The following TOX variants were observed in gnomAD, a reference collection of about 807,000 sequenced individuals.
TOX encodes the protein thymocyte selection associated high mobility group box, also known as thymocyte selection-associated high mobility group box protein TOX.
In TOX, 11 loss-of-function variants were observed where a neutral mutation model predicts 53.7. That is an observed-to-expected ratio of 0.20 (90% CI 0.13 to 0.34). TOX has a LOEUF of 0.34. TOX is among the 10% of genes least tolerant of loss of function. The pLI, the probability that TOX is intolerant of heterozygous loss-of-function variation, is 1.00. For synonymous variants in TOX, 225 were observed against 245.3 expected (o/e 0.92, Z 0.77); for missense variants, 570 against 664.6 (o/e 0.86, Z 1.56).
At chr8:58,905,968 T>C (rs1020654243) in intron 3 of TOX, among the ~76,000 whole-genome samples, 1 of 152,328 alleles carries the variant, frequency 6.6e-6, no homozygotes, top group African/African-American at 2.4e-5. Context: ...TTAATTACTG[T>C]CAAATTCAAT....
chr8:59,078,652 A>G (rs986601499), intron 1 of TOX, among the ~76,000 whole-genome samples: 1 of 152,214 alleles, frequency 6.6e-6, no homozygotes, highest in South Asian at 2.1e-4. Flanking sequence ...GTATTTCTTT[A>G]TAGCAATGCA....
chr8:58,875,224 T>G (rs769695966), intron 3 of TOX, among the ~76,000 whole-genome samples: 6 of 152,214 alleles, frequency 3.9e-5, no homozygotes, highest in Non-Finnish European at 7.3e-5. Context: ...TACAGCTTAC[T>G]TTTATTTTAT....
intron 3 of TOX, among the ~76,000 whole-genome samples, chr8:58,915,328 G>C (rs1369504696): frequency 1.1e-5 from 1 of 91,046 alleles, no homozygotes; most frequent in Admixed American, 1.2e-4. Context: ...GAGAGCAGTG[G>C]TTCTCCCAGC....
intron 3 of TOX, among the ~76,000 whole-genome samples, chr8:58,900,875 G>A (rs563213064): frequency 1.6e-4 from 24 of 151,990 alleles, no homozygotes; most frequent in Non-Finnish European, 3.1e-4. Context: ...TGAGACCTTC[G>A]TTGAAATGAA....
chr8:58,889,464 A>G (rs1343813300), intron 3 of TOX, among the ~76,000 whole-genome samples: 3 of 151,950 alleles, frequency 2.0e-5, no homozygotes, highest in African/African-American at 4.8e-5. Context: ...GGAGGGAGAG[A>G]GAAGAAACCA....
intron 1 of TOX, among the ~76,000 whole-genome samples, chr8:59,003,325 A>T (rs542818348): frequency 2.0e-5 from 3 of 152,268 alleles, no homozygotes; most frequent in African/African-American, 7.2e-5. Context: ...TTCAGGTGCG[A>T]TTCAAGAAAA....
chr8:58,969,903 T>C (rs1247621192), intron 1 of TOX, among the ~76,000 whole-genome samples: 1 of 152,224 alleles, frequency 6.6e-6, no homozygotes, highest in African/African-American at 2.4e-5. Context: ...TGGTGCCCCT[T>C]GTCTTACTTT....
chr8:59,001,930 T>C (rs1813695115), intron 1 of TOX, among the ~76,000 whole-genome samples: 1 of 151,686 alleles, frequency 6.6e-6, no homozygotes, highest in Non-Finnish European at 1.5e-5. Context: ...ATCTCTCTAT[T>C]GTCAAGGAGA....
chr8:59,071,945 A>C (rs776581619), intron 1 of TOX, among the ~76,000 whole-genome samples: 1 of 152,230 alleles, frequency 6.6e-6, no homozygotes, highest in Non-Finnish European at 1.5e-5. Context: ...CAATATTCTC[A>C]TAATTTTATC....
intron 1 of TOX, among the ~76,000 whole-genome samples, chr8:59,097,986 T>C (rs1282447645): frequency 6.6e-6 from 1 of 152,110 alleles, no homozygotes; most frequent in Admixed American, 6.6e-5. Flanking sequence ...TACGGCGCTA[T>C]TGGCTGGGGG....
At chr8:59,051,701 C>A (rs1803792317) in intron 1 of TOX, among the ~76,000 whole-genome samples, 1 of 152,098 alleles carries the variant, frequency 6.6e-6, no homozygotes, top group Non-Finnish European at 1.5e-5. Context: ...CGTAAACAAT[C>A]TGGGCATCCA....
chr8:58,959,028 G>A (rs911185366), intron 2 of TOX, among the ~76,000 whole-genome samples: 6 of 152,154 alleles, frequency 3.9e-5, no homozygotes, highest in Non-Finnish European at 8.8e-5. Context: ...GGATATGTAG[G>A]CATTGAACAT....
Position 59,118,075 on chromosome 8 carries a change from G to C in TOX, c.102+811C>G, listed in dbSNP as rs959081550. ...GCCAGCGCCCCACCTCCGGGTCACC[G>C]GCATGATCCGCCTCTCCCCGGGCCC... On this transcript the variant is annotated intron_variant, in intron 1 of 8. Coordinates refer to ENST00000361421, the MANE Select transcript of TOX (RefSeq NM_014729.3). This position sits in a 1 kb window ranked among gnomAD's most constrained non-coding sequence, Gnocchi z 4.1. Among the ~76,000 whole-genome samples, 1 of 152,170 alleles carries C rather than the reference G, an allele frequency of 6.6e-6. No individual in the cohort carries two copies. Among genetic ancestry groups the C allele is most frequent in the Non-Finnish European group, 1.5e-5 (1 of 68,008 alleles).
intron 1 of TOX, among the ~76,000 whole-genome samples, chr8:59,096,575 A>T (rs1377884357): frequency 6.6e-6 from 1 of 152,230 alleles, no homozygotes; most frequent in African/African-American, 2.4e-5. Flanking sequence ...ACTAAAACTC[A>T]ACCCAGAAAT....
intron 1 of TOX, among the ~76,000 whole-genome samples, chr8:59,027,031 C>T (rs1055256705): frequency 6.6e-6 from 1 of 152,072 alleles, no homozygotes; most frequent in Non-Finnish European, 1.5e-5. Flanking sequence ...ACCAAAATTC[C>T]ATTGGCTAGT....
intron 3 of TOX, among the ~76,000 whole-genome samples, chr8:58,916,010 TA>T: frequency 2.4e-5 from 1 of 41,906 alleles, no homozygotes; most frequent in Admixed American, 2.7e-4. Flanking sequence ...GAAAAAAGAA[TA>T]AAAAGAAATG....
intron 1 of TOX, among the ~76,000 whole-genome samples, chr8:59,082,591 G>T (rs984872691): frequency 6.6e-6 from 1 of 152,206 alleles, no homozygotes; most frequent in African/African-American, 2.4e-5. Context: ...AATGCTGGTT[G>T]ATGAGGGGGT....
chr8:58,815,811 C>T (rs904643933), intron 6 of TOX, 87 bp from the exon 7 acceptor site: 14 of 1,431,860 alleles, frequency 9.8e-6, no homozygotes, highest in Admixed American at 2.3e-5. Context: ...TATTAAAGCA[C>T]CTTCCCTGGA....
intron 3 of TOX, among the ~76,000 whole-genome samples, chr8:58,889,233 CA>C: frequency 1.1e-5 from 1 of 91,844 alleles, no homozygotes; most frequent in Non-Finnish European, 2.3e-5. Context: ...AAAAAAAAAA[CA>C]AAAAACCCTG....
Sources: gnomAD v4.1 joint callset for allele counts (sites outside exome capture counted in the v4.1 genomes callset) on GRCh38, gnomAD v4.1.1 for gene constraint, Gnocchi (gnomAD v3.1) non-coding constraint, MANE v1.5 for transcripts, NCBI Gene and HGNC (gene_info 2026-07-23, HGNC 2026-07-21) for gene names.